Variants in CTNNA3 observed in about 807,000 individuals in gnomAD.
The protein encoded by CTNNA3 is catenin alpha 3, also known as catenin alpha-3.
In CTNNA3, 76 loss-of-function variants were observed where a neutral mutation model predicts 95.7. The observed-to-expected ratio is 0.79, with a 90% CI of 0.66 to 0.96. The LOEUF (loss-of-function observed/expected upper bound fraction) is 0.96. Among genes scored for constraint, CTNNA3 ranks in the 40% least tolerant of loss-of-function variants. The probability of loss-of-function intolerance (pLI) is 0.00; values close to 1 mark genes in which losing one functional copy is unlikely to be tolerated. For synonymous variants in CTNNA3, 431 were observed against 374.4 expected (o/e 1.15, Z -1.74); for missense variants, 1,191 against 1,089.8 (o/e 1.09, Z -1.31).
chr10:66,245,997 C>T (rs1323792296), intron 13 of CTNNA3, among the ~76,000 whole-genome samples: 1 of 152,240 alleles, frequency 6.6e-6, no homozygotes, highest in African/African-American at 2.4e-5. Flanking sequence ...AAAGGCACCA[C>T]AAGTTCCCAC....
intron 11 of CTNNA3, among the ~76,000 whole-genome samples, chr10:66,396,408 A>G (rs1161772956): frequency 2.0e-5 from 3 of 152,046 alleles, no homozygotes; most frequent in Non-Finnish European, 2.9e-5. Flanking sequence ...TTAATTTTAA[A>G]AAGTATTGAA....
At position 66,862,165 on chromosome 10, in the gene CTNNA3, G is replaced by A. The variant is rs560262307; in HGVS notation, c.1048-86641C>T. 6.6e-5 allele frequency among the ~76,000 whole-genome samples: 10 copies of A among 152,248 alleles called. No individual in the cohort carries two copies. The South Asian group carries it at 1.9e-3, about 28-fold the overall frequency. On this transcript the variant is annotated intron_variant, in intron 7 of 17. Coordinates refer to ENST00000433211, the MANE Select transcript of CTNNA3 (RefSeq NM_013266.4). ...GGATGTGGAGGTTGCAGTGAGCTGA[G>A]ATCACGCCACTGCACTCCAACCTGG...
intron 11 of CTNNA3, among the ~76,000 whole-genome samples, chr10:66,403,007 C>A (rs2093031943): frequency 6.6e-6 from 1 of 152,202 alleles, no homozygotes; most frequent in South Asian, 2.1e-4. Flanking sequence ...AAACAAACTT[C>A]TCTGCCTTAA....
chr10:67,235,140 C>T (rs960814093), intron 5 of CTNNA3, among the ~76,000 whole-genome samples: 2 of 152,088 alleles, frequency 1.3e-5, no homozygotes, highest in African/African-American at 4.8e-5. Flanking sequence ...TAATGACTTT[C>T]TTCACAGAAT....
chr10:66,288,736 G>A (rs1360987209), intron 12 of CTNNA3, among the ~76,000 whole-genome samples: 1 of 152,014 alleles, frequency 6.6e-6, no homozygotes, highest in Admixed American at 6.6e-5. Context: ...TGAAGCACCT[G>A]TCCTCTGCAG....
chr10:67,516,658 T>C (rs1355938205), intron 5 of CTNNA3, among the ~76,000 whole-genome samples: 1 of 152,240 alleles, frequency 6.6e-6, no homozygotes, highest in African/African-American at 2.4e-5. Flanking sequence ...CTACCACCAT[T>C]AAATTAACAC....
At chr10:66,250,364 T>C (rs1019317308) in intron 13 of CTNNA3, among the ~76,000 whole-genome samples, 1 of 152,150 alleles carries the variant, frequency 6.6e-6, no homozygotes, top group Non-Finnish European at 1.5e-5. Context: ...TTTGATAGCA[T>C]GACAGAGTAA....
intron 7 of CTNNA3, among the ~76,000 whole-genome samples, chr10:66,846,218 A>G (rs1337268391): frequency 1.3e-5 from 2 of 152,218 alleles, no homozygotes; most frequent in South Asian, 2.1e-4. Context: ...CAGAAACACA[A>G]ATATTGCATG....
chr10:66,000,420 CAT>C (rs546419666), intron 15 of CTNNA3, among the ~76,000 whole-genome samples: 70 of 152,100 alleles, frequency 4.6e-4, no homozygotes, highest in Non-Finnish European at 8.5e-4. Flanking sequence ...CAAATGTTTT[CAT>C]AGAGTCATTT....
At chr10:66,611,881 A>G (rs534992452) in intron 10 of CTNNA3, among the ~76,000 whole-genome samples, 212 of 152,250 alleles carry the variant, frequency 1.4e-3, no homozygotes, top group Non-Finnish European at 2.8e-3. Flanking sequence ...GCTCTTTAGC[A>G]ATCTCATCCC....
At chr10:67,214,759 T>C (rs946138539) in intron 6 of CTNNA3, among the ~76,000 whole-genome samples, 1 of 152,030 alleles carries the variant, frequency 6.6e-6, no homozygotes, top group Non-Finnish European at 1.5e-5. Flanking sequence ...TGAGAATGAT[T>C]TACTATCTTG....
Position 66,609,572 on chromosome 10 carries a change from A to G in CTNNA3, c.1374+12120T>C, listed in dbSNP as rs530149116. ...TCAAATGCTATCTCACACCAGTCAG[A>G]ATGGCTATTACTAAAAAGTCAAAAA... On this transcript the variant is annotated intron_variant, in intron 10 of 17. Transcript: ENST00000433211. Among the ~76,000 whole-genome samples, 37 of 151,978 alleles carry G rather than the reference A, an allele frequency of 2.4e-4. 1 individual carries two copies. In the South Asian group the frequency reaches 7.7e-3, roughly 32 times the overall value.
intron 11 of CTNNA3, among the ~76,000 whole-genome samples, chr10:66,403,626 G>C (rs970739920): frequency 2.0e-5 from 3 of 152,112 alleles, no homozygotes; most frequent in East Asian, 1.9e-4. Flanking sequence ...ACGTAATTTG[G>C]GGGGAGACGA....
At chr10:67,589,394 C>T (rs1442687847) in intron 3 of CTNNA3, among the ~76,000 whole-genome samples, 2 of 151,970 alleles carry the variant, frequency 1.3e-5, no homozygotes, top group African/African-American at 2.4e-5. Context: ...AAATATTTAA[C>T]CAAAATAGGT....
chr10:66,859,275 A>G (rs1012178756), intron 7 of CTNNA3, among the ~76,000 whole-genome samples: 2 of 152,154 alleles, frequency 1.3e-5, no homozygotes, highest in East Asian at 1.9e-4. Context: ...ATCTGACAAA[A>G]GGCTAATATC....
chr10:67,460,486 T>A (rs1164387226), intron 5 of CTNNA3, among the ~76,000 whole-genome samples: 1 of 152,168 alleles, frequency 6.6e-6, no homozygotes, highest in African/African-American at 2.4e-5. Flanking sequence ...TATCTACCAA[T>A]CTCAAAAAAA....
chr10:66,547,250 G>A (rs184113603), intron 10 of CTNNA3, among the ~76,000 whole-genome samples: 8 of 151,492 alleles, frequency 5.3e-5, no homozygotes, highest in African/African-American at 9.7e-5. Flanking sequence ...TCAACCAAGA[G>A]GAGAAAATAA....
In CTNNA3 at chr10:67,743,670, A is replaced by G. The variant is rs926748330; in HGVS notation, c.-2+19764T>C. Among the ~76,000 whole-genome samples, 9 of 151,316 alleles carry G rather than the reference A, an allele frequency of 5.9e-5. No individual in the cohort carries two copies. The Admixed American group carries it at 6.0e-4, about 10-fold the overall frequency. Reference sequence around the variant, plus strand: ...AGGCCAGGGCAATCAGGCAGGAGAAAGAAATAAAGGGTATTCAATTAGGAA... The same window carrying G: ...AGGCCAGGGCAATCAGGCAGGAGAAGGAAATAAAGGGTATTCAATTAGGAA... On this transcript the variant is annotated intron_variant, in intron 1 of 17. Transcript: ENST00000684154.
chr10:66,102,729 G>A (rs913988562), intron 14 of CTNNA3, among the ~76,000 whole-genome samples: 1 of 152,054 alleles, frequency 6.6e-6, no homozygotes, highest in Non-Finnish European at 1.5e-5. Flanking sequence ...GGGTGTGTGT[G>A]TGTGTGTTTG....
Sources: gnomAD v4.1 joint callset for allele counts (sites outside exome capture counted in the v4.1 genomes callset) on GRCh38, gnomAD v4.1.1 for gene constraint, MANE v1.5 for transcripts, NCBI Gene and HGNC (gene_info 2026-07-23, HGNC 2026-07-21) for gene names.